H2AZ2: variants seen among roughly 807,000 people sequenced by gnomAD.
H2AZ2 encodes H2A.Z variant histone 2, also known as histone H2A.V.
H2AZ2 carries 5 observed loss-of-function variants against 15.5 expected under a neutral mutation model. The ratio of observed to expected loss-of-function variants is 0.32; its 90% CI spans 0.17 to 0.68. The LOEUF (loss-of-function observed/expected upper bound fraction) is 0.68. H2AZ2 is among the 30% of genes least tolerant of loss of function. H2AZ2 has a pLI of 0.72. For missense variants in H2AZ2, 42 were observed against 162.5 expected, an observed-to-expected ratio of 0.26 and a Z score of 4.03; for synonymous variants, 44 against 57.4, an observed-to-expected ratio of 0.77 and a Z score of 1.05.
chr7:44,846,056 C>CAGAGAGAGAGAG (rs1172162419), intron 1 of H2AZ2, among the ~76,000 whole-genome samples: 1 of 91,716 alleles, frequency 1.1e-5, no homozygotes, highest in Non-Finnish European at 2.7e-5. Context: ...CACACACACA[C>CAGAGAGAGAGAG]ACACACAGAG....
intron 2 of H2AZ2, among the ~76,000 whole-genome samples, chr7:44,841,662 G>A (rs1177446066): frequency 6.6e-6 from 1 of 152,114 alleles, no homozygotes; most frequent in Non-Finnish European, 1.5e-5. Context: ...GGCGCGCCAG[G>A]ACGCCTGGCT....
At chr7:44,839,004 G>A (rs1313358180) in intron 3 of H2AZ2, among the ~76,000 whole-genome samples, 1 of 152,132 alleles carries the variant, frequency 6.6e-6, no homozygotes, top group Non-Finnish European at 1.5e-5. Flanking sequence ...GAATAGGGAT[G>A]GGGAAAGTGG....
At chr7:44,828,003 A>G (rs1792949613), downstream of H2AZ2, 1 of 152,182 alleles carries the variant, frequency 6.6e-6, no homozygotes. Flanking sequence ...GACAAGATGA[A>G]TAGAGCTAAT....
At chr7:44,834,782 A>G in intron 4 of H2AZ2, 1 of 302,052 alleles carries the variant, frequency 3.3e-6, no homozygotes, top group South Asian at 7.4e-5. Flanking sequence ...GAGTAACCAT[A>G]GCTTTTTTTT....
At chr7:44,846,113 T>C (rs1325997071) in intron 1 of H2AZ2, among the ~76,000 whole-genome samples, 1 of 151,744 alleles carries the variant, frequency 6.6e-6, no homozygotes, top group East Asian at 1.9e-4. Context: ...TCGTTCATTT[T>C]ACTTGGATAA....
At chr7:44,841,688 T>C (rs907551001) in intron 2 of H2AZ2, among the ~76,000 whole-genome samples, 4 of 152,096 alleles carry the variant, frequency 2.6e-5, no homozygotes, top group African/African-American at 9.7e-5. Flanking sequence ...GTATTTTTAG[T>C]AGAGACAGGG....
intron 1 of H2AZ2, 145 bp from the exon 2 acceptor site, chr7:44,843,499 G>A: frequency 6.7e-6 from 4 of 592,712 alleles, no homozygotes; most frequent in South Asian, 2.2e-5. Context: ...AATATACATG[G>A]GATTCTATCA....
At chr7:44,831,623 G>A (rs1793001959), downstream of H2AZ2, among the ~76,000 whole-genome samples, 3 of 151,466 alleles carry the variant, frequency 2.0e-5, no homozygotes, top group Admixed American at 6.6e-5. Context: ...CAAAATGGGC[G>A]CCTATTCAAT....
chr7:44,837,210 G>A (rs543500324), intron 3 of H2AZ2, among the ~76,000 whole-genome samples: 2 of 151,536 alleles, frequency 1.3e-5, no homozygotes, highest in Admixed American at 6.6e-5. Flanking sequence ...CCACCTCCTC[G>A]TTTTAAATAG....
chr7:44,843,175 A>AAAAAATAT (rs1793317335), intron 2 of H2AZ2, 102 bp downstream of exon 2: 1 of 281,302 alleles, frequency 3.6e-6, no homozygotes, highest in Non-Finnish European at 6.7e-6. Flanking sequence ...AAAAAAAAAA[A>AAAAAATAT]GTCTGTAGTA....
chr7:44,844,479 A>G (rs1443187636), intron 1 of H2AZ2, among the ~76,000 whole-genome samples: 2 of 152,086 alleles, frequency 1.3e-5, no homozygotes, highest in Non-Finnish European at 2.9e-5. Context: ...TCAGCCTCCT[A>G]AGTAGCTGGT....
At chr7:44,830,687 T>C (rs144889346), downstream of H2AZ2, among the ~76,000 whole-genome samples, 36 of 152,352 alleles carry the variant, frequency 2.4e-4, no homozygotes, top group African/African-American at 8.4e-4. Flanking sequence ...AGACTGGGTG[T>C]TGTTTTTAAT....
intron 1 of H2AZ2, among the ~76,000 whole-genome samples, 200 bp downstream of exon 1, chr7:44,847,769 C>T (rs1793449382): frequency 6.6e-6 from 1 of 152,206 alleles, no homozygotes; most frequent in Admixed American, 6.5e-5. Flanking sequence ...TCTACCCGGC[C>T]AGGCCCAGCT....
downstream of H2AZ2, chr7:44,829,366 T>C (rs1792969282): frequency 6.6e-6 from 1 of 152,212 alleles, no homozygotes; most frequent in Non-Finnish European, 1.5e-5. Context: ...TTTGGAAGGC[T>C]TAGACGGGCG....
At chr7:44,839,572 C>T (rs1489217226) in intron 3 of H2AZ2, among the ~76,000 whole-genome samples, 3 of 151,496 alleles carry the variant, frequency 2.0e-5, no homozygotes, top group African/African-American at 4.9e-5. Context: ...GTCCCAGCTA[C>T]TCGGGAGGCT....
intron 3 of H2AZ2, 148 bp downstream of exon 3, chr7:44,840,751 C>T (rs1444046371): frequency 1.4e-5 from 8 of 576,030 alleles, no homozygotes; most frequent in African/African-American, 7.5e-5. Context: ...GCCTGGGAAA[C>T]AAGAGTGAAA....
downstream of H2AZ2, chr7:44,827,650 G>T (rs549889115): frequency 6.6e-6 from 1 of 152,278 alleles, no homozygotes; most frequent in South Asian, 2.1e-4. Context: ...ATTAACCAGA[G>T]ATGATATTCA....
At chr7:44,846,534 C>T (rs1312322707) in intron 1 of H2AZ2, among the ~76,000 whole-genome samples, 4 of 151,728 alleles carry the variant, frequency 2.6e-5, no homozygotes, top group African/African-American at 7.3e-5. Context: ...TCGCTTGAAC[C>T]CGGGAGGCGG....
In H2AZ2 at chr7:44,832,306, T is replaced by C. The variant is rs1055057346; in HGVS notation, c.*2195A>G. 2.0e-5 allele frequency among the ~76,000 whole-genome samples: 3 copies of C among 152,124 alleles called. No homozygotes were observed. Among genetic ancestry groups the C allele is most frequent in the Non-Finnish European group, 4.4e-5 (3 of 68,022 alleles). ...GGTATTGTGGTTATGTTCAAAAAAG[T>C]ACCCTATCTTTGGAGTTATATTTGA... On this transcript the variant is annotated 3_prime_UTR_variant, in exon 5 of 5. Transcript: ENST00000308153.
Sources: gnomAD v4.1 joint callset for allele counts (sites outside exome capture counted in the v4.1 genomes callset) on GRCh38, gnomAD v4.1.1 for gene constraint, MANE v1.5 for transcripts, NCBI Gene and HGNC (gene_info 2026-07-23, HGNC 2026-07-21) for gene names.